MYO3B: variants seen among roughly 807,000 people sequenced by gnomAD.
MYO3B encodes myosin IIIB, also known as myosin-IIIb.
Under a neutral mutation model 174.6 loss-of-function variants are expected in MYO3B, and 156 were observed. The observed-to-expected ratio is 0.89, with a 90% CI of 0.78 to 1.02. MYO3B has a LOEUF of 1.02. Among genes scored for constraint, MYO3B ranks in the 50% least tolerant of loss-of-function variants. The pLI is 0.00. For synonymous variants in MYO3B, 563 were observed against 569.1 expected, an observed-to-expected ratio of 0.99 and a Z score of 0.15; for missense variants, 1,632 against 1,639.4, an observed-to-expected ratio of 1.00 and a Z score of 0.08.
intron 9 of MYO3B, among the ~76,000 whole-genome samples, chr2:170,369,685 ATTTTT>A (rs56283055): frequency 6.8e-6 from 1 of 147,412 alleles, no homozygotes; most frequent in African/African-American, 2.5e-5. Context: ...AGAAATTTGG[ATTTTT>A]TTTTTTTTTT....
chr2:170,417,551 T>C (rs1057132886), intron 22 of MYO3B, among the ~76,000 whole-genome samples: 1 of 152,214 alleles, frequency 6.6e-6, no homozygotes, highest in African/African-American at 2.4e-5. Flanking sequence ...TTGTCCTTGT[T>C]CTGGAGGCTA....
chr2:170,413,532 C>T (rs913499409), intron 22 of MYO3B, among the ~76,000 whole-genome samples: 3 of 152,078 alleles, frequency 2.0e-5, no homozygotes, highest in Non-Finnish European at 4.4e-5. Context: ...AAAACTTGAA[C>T]AAGGGTGTTA....
chr2:170,351,744 C>T (rs2094072414), intron 8 of MYO3B, among the ~76,000 whole-genome samples: 1 of 152,064 alleles, frequency 6.6e-6, no homozygotes, highest in African/African-American at 2.4e-5. Context: ...GAAGACAACC[C>T]ACCAAAACAA....
chr2:170,616,083 A>C (rs1379380735), intron 32 of MYO3B, among the ~76,000 whole-genome samples: 1 of 152,260 alleles, frequency 6.6e-6, no homozygotes, highest in Non-Finnish European at 1.5e-5. Context: ...TTAGCAAGAT[A>C]TTAATCAGCA....
At chr2:170,630,587 C>A (rs1402995323) in intron 32 of MYO3B, among the ~76,000 whole-genome samples, 1 of 152,014 alleles carries the variant, frequency 6.6e-6, no homozygotes, top group Non-Finnish European at 1.5e-5. Flanking sequence ...GAACAGATAG[C>A]CTGCCTCCTC....
At chr2:170,293,921 A>G (rs373082102) in intron 7 of MYO3B, among the ~76,000 whole-genome samples, 3 of 152,190 alleles carry the variant, frequency 2.0e-5, no homozygotes, top group African/African-American at 7.2e-5. Flanking sequence ...GCTAAGGGAT[A>G]TGGAGGGAAA....
chr2:170,497,681 C>T (rs1686966828), intron 25 of MYO3B, among the ~76,000 whole-genome samples: 2 of 152,052 alleles, frequency 1.3e-5, no homozygotes, highest in Admixed American at 1.3e-4. Flanking sequence ...ATGAAGGCTC[C>T]TGTGTCACTT....
chr2:170,402,530 G>C (rs75226879), intron 18 of MYO3B, among the ~76,000 whole-genome samples: 1 of 151,530 alleles, frequency 6.6e-6, no homozygotes, highest in African/African-American at 2.4e-5. Flanking sequence ...ATAGGTGGGA[G>C]AATAAATAAG....
chr2:170,446,664 A>G (rs959543607), intron 23 of MYO3B, among the ~76,000 whole-genome samples: 2 of 152,202 alleles, frequency 1.3e-5, no homozygotes, highest in Non-Finnish European at 2.9e-5. Context: ...GACTTATCCA[A>G]GGTAAAATTA....
intron 32 of MYO3B, among the ~76,000 whole-genome samples, chr2:170,645,387 G>A (rs184183679): frequency 7.4e-5 from 11 of 149,524 alleles, no homozygotes; most frequent in East Asian, 5.9e-4. Context: ...GAGGAGAATC[G>A]CTTGAACCCC....
chr2:170,347,742 G>A (rs2094027955), intron 8 of MYO3B, among the ~76,000 whole-genome samples: 1 of 152,204 alleles, frequency 6.6e-6, no homozygotes, highest in African/African-American at 2.4e-5. Flanking sequence ...GTGAATATGT[G>A]TGTTTGAGGT....
chr2:170,280,681 GTCT>G (rs60775148), intron 7 of MYO3B, among the ~76,000 whole-genome samples: 56,292 of 151,846 alleles, frequency 0.37, 11,100 homozygotes, highest in African/African-American at 0.51. Context: ...TCCAGCTTCA[GTCT>G]TCTGCATTTG....
At chr2:170,193,301 C>T (rs921467664) in intron 1 of MYO3B, among the ~76,000 whole-genome samples, 2 of 151,862 alleles carry the variant, frequency 1.3e-5, no homozygotes, top group African/African-American at 2.4e-5. Context: ...TAAAATAACC[C>T]TTTATGTTCT....
intron 25 of MYO3B, among the ~76,000 whole-genome samples, chr2:170,479,143 G>T (rs926677452): frequency 1.3e-5 from 2 of 150,098 alleles, no homozygotes; most frequent in African/African-American, 2.4e-5. Context: ...AATTAGCTGG[G>T]CATGGTGGCA....
intron 16 of MYO3B, among the ~76,000 whole-genome samples, chr2:170,397,903 A>C (rs748648731): frequency 3.3e-5 from 5 of 152,178 alleles, no homozygotes; most frequent in African/African-American, 7.2e-5. Flanking sequence ...AAAACACTTT[A>C]CTTACCATTA....
chr2:170,652,814 C>G (rs570654636), intron 34 of MYO3B, among the ~76,000 whole-genome samples, 169 bp from the exon 35 acceptor site: 6 of 152,256 alleles, frequency 3.9e-5, no homozygotes, highest in African/African-American at 1.4e-4. Context: ...TAGATCAGAC[C>G]CTGGTACCTC....
chr2:170,248,621 T>C (rs1008702569), intron 7 of MYO3B, among the ~76,000 whole-genome samples: 6 of 152,206 alleles, frequency 3.9e-5, no homozygotes, highest in Admixed American at 1.3e-4. Context: ...ATTTCTTGAC[T>C]TGTGGCTCCC....
intron 30 of MYO3B, among the ~76,000 whole-genome samples, chr2:170,536,444 G>T (rs1689685301): frequency 6.6e-6 from 1 of 152,246 alleles, no homozygotes; most frequent in Admixed American, 6.5e-5. Flanking sequence ...TGCAGTGCAT[G>T]CATTCAGAAT....
chr2:170,506,014 A>G (rs1383613666), intron 28 of MYO3B, among the ~76,000 whole-genome samples: 1 of 152,276 alleles, frequency 6.6e-6, no homozygotes, highest in African/African-American at 2.4e-5. Context: ...CAAGATAACA[A>G]TAGCTCTAAC....
Sources: allele counts gnomAD v4.1 joint callset (sites outside exome capture counted in the v4.1 genomes callset), GRCh38; gene constraint gnomAD v4.1.1; transcripts MANE v1.5; gene names NCBI Gene and HGNC (gene_info 2026-07-23, HGNC 2026-07-21).